The following PPFIA2 variants were observed in gnomAD, a reference collection of about 807,000 sequenced individuals.
The protein encoded by PPFIA2 is liprin-alpha-2.
A neutral mutation model predicts 175.5 loss-of-function variants in PPFIA2; 46 were observed. The ratio of observed to expected loss-of-function variants is 0.26; its 90% CI spans 0.21 to 0.34. PPFIA2 has a LOEUF of 0.34. Among genes scored for constraint, PPFIA2 ranks in the 10% least tolerant of loss-of-function variants. PPFIA2 has a pLI of 1.00. For synonymous variants in PPFIA2, 568 were observed against 511.4 expected (o/e 1.11, Z -1.49); for missense variants, 1,179 against 1,506.1 (o/e 0.78, Z 3.60).
intron 6 of PPFIA2, among the ~76,000 whole-genome samples, chr12:81,444,462 AATT>A (rs1170431431): frequency 6.6e-6 from 1 of 152,140 alleles, no homozygotes; most frequent in Non-Finnish European, 1.5e-5. Flanking sequence ...AATATTAAAT[AATT>A]ATTTGATGTC....
chr12:81,427,135 T>C (rs2047274322), intron 7 of PPFIA2, among the ~76,000 whole-genome samples: 1 of 152,194 alleles, frequency 6.6e-6, no homozygotes, highest in African/African-American at 2.4e-5. Flanking sequence ...ATATACTAGA[T>C]ATGAAGATAT....
At chr12:81,344,406 C>A (rs1290037668) in intron 19 of PPFIA2, among the ~76,000 whole-genome samples, 1 of 150,330 alleles carries the variant, frequency 6.7e-6, no homozygotes, top group Non-Finnish European at 1.5e-5. Context: ...TATAAAATTA[C>A]ACCATCCTTG....
At chr12:81,352,822 T>C (rs2060251381) in intron 17 of PPFIA2, among the ~76,000 whole-genome samples, 1 of 152,228 alleles carries the variant, frequency 6.6e-6, no homozygotes, top group Non-Finnish European at 1.5e-5. Context: ...TAAAATTCAC[T>C]GGAGAAAGTT....
chr12:81,387,378 G>A (rs975495241), intron 8 of PPFIA2, among the ~76,000 whole-genome samples: 1 of 152,056 alleles, frequency 6.6e-6, no homozygotes, highest in Non-Finnish European at 1.5e-5. Context: ...GAATGCAAAT[G>A]ACACATAGAG....
At chr12:81,358,019 C>A in intron 16 of PPFIA2, 63 bp downstream of exon 16, 1 of 1,386,388 alleles carries the variant, frequency 7.2e-7, no homozygotes, top group South Asian at 1.5e-5. Context: ...TGTTAAAATT[C>A]TATCAAAAAT....
At chr12:81,696,895 T>C (rs572433120) in intron 3 of PPFIA2, among the ~76,000 whole-genome samples, 32 of 152,130 alleles carry the variant, frequency 2.1e-4, no homozygotes, top group African/African-American at 7.5e-4. Flanking sequence ...CCTTAAACCT[T>C]ATGCACTTGA....
intron 4 of PPFIA2, among the ~76,000 whole-genome samples, chr12:81,488,110 G>A (rs1381863557): frequency 6.6e-6 from 1 of 151,822 alleles, no homozygotes; most frequent in Non-Finnish European, 1.5e-5. Context: ...CAGTTAGGGA[G>A]GTTTGATGGT....
At chr12:81,715,395 G>A (rs1360074766) in intron 3 of PPFIA2, among the ~76,000 whole-genome samples, 2 of 151,646 alleles carry the variant, frequency 1.3e-5, no homozygotes, top group African/African-American at 4.8e-5. Flanking sequence ...GTGCTCTATG[G>A]TTTGTATACA....
intron 2 of PPFIA2, among the ~76,000 whole-genome samples, chr12:81,754,840 A>G (rs2153667912): frequency 6.6e-6 from 1 of 152,242 alleles, no homozygotes; most frequent in African/African-American, 2.4e-5. Context: ...AAGCTTTCTG[A>G]CATTACATTT....
rs1190681849 is a variant in PPFIA2 at position 81,720,008 on chromosome 12, T to C, written c.249+33965A>G. 5.3e-5 allele frequency among the ~76,000 whole-genome samples: 8 copies of C among 151,284 alleles called. No homozygotes were observed. The East Asian group carries it at 7.8e-4, about 15-fold the overall frequency. ...AGAGTTAGTAAATTTACCTGTAAAA[T>C]TGTGTCCATTCTATCTGCATTTAGA... On this transcript the variant is annotated intron_variant, in intron 3 of 32. Transcript: ENST00000549396.
intron 19 of PPFIA2, among the ~76,000 whole-genome samples, chr12:81,344,408 C>A (rs2058682917): frequency 6.7e-6 from 1 of 150,352 alleles, no homozygotes; most frequent in Admixed American, 6.6e-5. Context: ...TAAAATTACA[C>A]CATCCTTGGT....
chr12:81,357,924 C>A (rs768505393), intron 16 of PPFIA2, among the ~76,000 whole-genome samples, 158 bp downstream of exon 16: 1 of 151,966 alleles, frequency 6.6e-6, no homozygotes, highest in Non-Finnish European at 1.5e-5. Context: ...ATAGTAGGGG[C>A]TTTATGTTAC....
At chr12:81,395,855 A>G (rs1040752847) in intron 8 of PPFIA2, among the ~76,000 whole-genome samples, 1 of 152,068 alleles carries the variant, frequency 6.6e-6, no homozygotes, top group African/African-American at 2.4e-5. Flanking sequence ...CATTTGCAAA[A>G]TGTCTGCCTC....
At chr12:81,706,938 T>A (rs1345666341) in intron 3 of PPFIA2, among the ~76,000 whole-genome samples, 1 of 152,116 alleles carries the variant, frequency 6.6e-6, no homozygotes, top group Admixed American at 6.5e-5. Flanking sequence ...CCCTATTTAA[T>A]AAATGGTGCT....
intron 3 of PPFIA2, among the ~76,000 whole-genome samples, chr12:81,723,038 C>G (rs914569472): frequency 2.0e-5 from 3 of 150,996 alleles, no homozygotes; most frequent in Non-Finnish European, 1.5e-5. Context: ...AATTTAACCT[C>G]CTATGATCTG....
At chr12:81,733,351 A>T (rs2081168854) in intron 3 of PPFIA2, among the ~76,000 whole-genome samples, 1 of 151,628 alleles carries the variant, frequency 6.6e-6, no homozygotes, top group Admixed American at 6.6e-5. Flanking sequence ...AATGGATGTA[A>T]ATTTTCAGTT....
intron 24 of PPFIA2, among the ~76,000 whole-genome samples, chr12:81,291,091 A>G (rs2044839239): frequency 2.0e-5 from 3 of 151,900 alleles, no homozygotes; most frequent in Admixed American, 2.0e-4. Context: ...TAATGAAAAA[A>G]GAATGACAAG....
intron 4 of PPFIA2, among the ~76,000 whole-genome samples, chr12:81,517,559 C>T (rs553970207): frequency 1.3e-5 from 2 of 152,170 alleles, no homozygotes; most frequent in East Asian, 3.9e-4. Context: ...AGAACAGGAG[C>T]GACTGAAATA....
chr12:81,596,837 C>T (rs897139422), intron 4 of PPFIA2, among the ~76,000 whole-genome samples: 4 of 152,198 alleles, frequency 2.6e-5, no homozygotes, highest in Non-Finnish European at 5.9e-5. Flanking sequence ...TGTAAAACCA[C>T]AGACTTGCAC....
Sources: allele counts gnomAD v4.1 joint callset (sites outside exome capture counted in the v4.1 genomes callset), GRCh38; gene constraint gnomAD v4.1.1; transcripts MANE v1.5; gene names NCBI Gene and HGNC (gene_info 2026-07-23, HGNC 2026-07-21).